Variants in UBAP2 observed in about 807,000 individuals in gnomAD.
UBAP2 encodes ubiquitin-associated protein 2.
In UBAP2, 75 loss-of-function variants were observed where a neutral mutation model predicts 139.6. The observed-to-expected ratio is 0.54, with a 90% CI of 0.45 to 0.65. UBAP2 has a LOEUF of 0.65. UBAP2 is among the 30% of genes least tolerant of loss of function. The pLI, the probability that UBAP2 is intolerant of heterozygous loss-of-function variation, is 0.00. For missense variants in UBAP2, 1,368 were observed against 1,369.6 expected (o/e 1.00, Z 0.02); for synonymous variants, 526 against 526.2 (o/e 1.00, Z 0.01).
intron 2 of UBAP2, among the ~76,000 whole-genome samples, chr9:34,009,806 CTTTTT>C (rs201452836): frequency 7.7e-6 from 1 of 129,808 alleles, no homozygotes; most frequent in Admixed American, 7.9e-5. Flanking sequence ...CTTATATTTC[CTTTTT>C]TTTTTTTTTT....
Position 33,927,072 on chromosome 9 carries a change from G to A in UBAP2, c.2380C>T (p.Pro794Ser), listed in dbSNP as rs780426717. ...GGCACCCCCTGAGGTAAGTTTGGGG[G>A]TGCTTTGCCTGTATAGAGGGAAAAA... Reference protein sequence around the residue: ...AAPLVTSGKAPPNLPQGVPPL... With the variant: ...AAPLVTSGKASPNLPQGVPPL... Residue 794 changes from proline (P) to serine (S), a missense_variant, in exon 21 of 29, where the codon CCC (proline) becomes TCC (serine). By Grantham distance (74) the Pro-to-Ser change is moderately conservative. Coordinates refer to ENST00000379238, the MANE Select transcript of UBAP2 (RefSeq NM_001370062.2). 2.5e-6 allele frequency: 4 copies of A among 1,612,084 alleles called. No homozygotes were observed. The East Asian group carries it at 8.9e-5, about 36-fold the overall frequency.
intron 22 of UBAP2, among the ~76,000 whole-genome samples, chr9:33,925,442 AT>A (rs1823346769): frequency 6.6e-6 from 1 of 152,168 alleles, no homozygotes; most frequent in Non-Finnish European, 1.5e-5. Flanking sequence ...AGAGCAACAT[AT>A]CTCAAAAGGT....
At position 33,941,848 on chromosome 9, in the gene UBAP2, G is replaced by A. The variant is rs1825237578; in HGVS notation, c.1730C>T (p.Thr577Ile). 1.2e-6 allele frequency: 2 copies of A among 1,611,816 alleles called. No individual in the cohort carries two copies. The highest frequency in any genetic ancestry group is 2.2e-5 in the East Asian group (1 of 44,766). ...YSKSLSEPLNTSLSMTSAVQN... is the reference protein window; with the variant it reads ...YSKSLSEPLNISLSMTSAVQN... ...TACTGCACTGGTCATTGATAAAGAT[G>A]TATTCAAAGGCTCACTGAAAAGAGT... The change falls in exon 16 of 29, where the codon ACA becomes ATA. Residue 577 changes from threonine to isoleucine, a missense_variant. Thr to Ile is a moderately conservative substitution (Grantham distance 89, BLOSUM62 -1). Coordinates refer to ENST00000379238, the MANE Select transcript of UBAP2 (RefSeq NM_001370062.2).
chr9:33,989,509 T>C (rs549888287), intron 4 of UBAP2, among the ~76,000 whole-genome samples: 3 of 152,332 alleles, frequency 2.0e-5, no homozygotes, highest in East Asian at 1.9e-4. Flanking sequence ...CACATGCACG[T>C]ATCTTTCAAA....
chr9:34,024,017 C>G (rs138694988), intron 1 of UBAP2, among the ~76,000 whole-genome samples: 1 of 151,028 alleles, frequency 6.6e-6, no homozygotes, highest in Non-Finnish European at 1.5e-5. Context: ...GCACTCCAGT[C>G]CGGGTGACAG....
chr9:34,011,295 A>G (rs1278630766), intron 2 of UBAP2, among the ~76,000 whole-genome samples: 2 of 152,174 alleles, frequency 1.3e-5, no homozygotes, highest in African/African-American at 4.8e-5. Context: ...AATGCCAATG[A>G]CTGATTTATT....
At chr9:34,014,213 G>A (rs1824032226) in intron 2 of UBAP2, among the ~76,000 whole-genome samples, 1 of 150,746 alleles carries the variant, frequency 6.6e-6, no homozygotes, top group African/African-American at 2.4e-5. Flanking sequence ...TGTAATCCCA[G>A]CTGCTGGGGA....
intron 1 of UBAP2, among the ~76,000 whole-genome samples, chr9:34,038,429 C>T (rs1044739189): frequency 1.3e-5 from 2 of 152,200 alleles, no homozygotes; most frequent in Admixed American, 6.5e-5. Flanking sequence ...ATTGCAGGCG[C>T]GCGCCGCCAC....
intron 11 of UBAP2, 75 bp from the exon 12 acceptor site, chr9:33,953,549 A>C (rs1029530005): frequency 1.1e-5 from 15 of 1,412,138 alleles, no homozygotes; most frequent in African/African-American, 1.4e-5. Context: ...AAGTCAATCA[A>C]TATATAGTGA....
In UBAP2 at chr9:33,944,382, T is replaced by A. The variant is rs750222996; in HGVS notation, c.1528A>T (p.Ile510Leu). Residue 510 changes from isoleucine to leucine, a missense_variant, in exon 14 of 29, where the codon ATA (isoleucine) becomes TTA (leucine). By Grantham distance (5) the Ile-to-Leu change is conservative. Coordinates refer to ENST00000379238, the MANE Select transcript of UBAP2 (RefSeq NM_001370062.2). ...ATGCCCACCTTAGAAGCTGGGGGTA[T>A]CCGCCGCTTAGCAAGTTTGATGTGT... is the stretch of plus-strand genomic sequence containing the variant. ...PKHIKLAKRR[I>L]PPASKIPASA... is the part of the protein sequence containing the mutation. The A allele has an allele frequency of 4.2e-5, 67 of 1,612,760 alleles. No homozygotes were observed. The highest frequency in any genetic ancestry group is 5.6e-5 in the Non-Finnish European group (66 of 1,178,916).
chr9:33,996,421 A>C, intron 3 of UBAP2, 88 bp from the exon 4 acceptor site: 1 of 858,980 alleles, frequency 1.2e-6, no homozygotes. Context: ...AGAATTACAT[A>C]ATCCTTCTAC....
At chr9:34,042,106 C>A (rs1827146653) in intron 1 of UBAP2, among the ~76,000 whole-genome samples, 1 of 152,082 alleles carries the variant, frequency 6.6e-6, no homozygotes, top group Non-Finnish European at 1.5e-5. Context: ...ACAATTCTTA[C>A]ATTGAGAATA....
rs1241360725 is a variant in UBAP2, at chr9:33,953,318, G to C, written c.1023C>G (p.Ser341=). The C allele has an allele frequency of 6.2e-7, 1 of 1,614,044 alleles. No individual in the cohort carries two copies. Among genetic ancestry groups the C allele is most frequent in the African/African-American group, 1.3e-5 (1 of 74,950 alleles). The change falls in exon 12 of 29, where the codon TCC becomes TCG. Residue 341 remains serine, a synonymous_variant. Coordinates refer to ENST00000379238, the MANE Select transcript of UBAP2 (RefSeq NM_001370062.2). ...GAGGAGAACAGGAGTTGACGGCAGT[G>C]GAGCTGCCAGTCCCTGGTGCCATCT... ...NNQMAPGTGS[S]TAVNSCSPQS...
chr9:34,048,851 C>G lies in UBAP2; in HGVS notation c.-68G>C, dbSNP rs1287020037. ...GCTGCTGCTCTCGGAGGACCCAAGA[C>G]CCGCTGCCGCCGCCGCCGCTCGTTA... On this transcript the variant is annotated 5_prime_UTR_variant, in exon 1 of 29. Transcript: ENST00000379238. The G allele has an allele frequency of 6.6e-6, 1 of 152,440 alleles. No individual in the cohort carries two copies. The allele number at this position is 152,440 out of a possible 1,614,324, so 9.4% of individuals were successfully genotyped here. A position where few individuals can be genotyped will look rare whatever the true frequency, so the allele number is the denominator to read the frequency against.
intron 2 of UBAP2, among the ~76,000 whole-genome samples, chr9:34,001,092 A>G (rs1822660471): frequency 6.6e-6 from 1 of 152,210 alleles, no homozygotes; most frequent in Non-Finnish European, 1.5e-5. Context: ...AACTAGATGA[A>G]GTAAAAGGGA....
intron 2 of UBAP2, among the ~76,000 whole-genome samples, chr9:34,006,052 G>A (rs10971841): frequency 0.19 from 29,531 of 151,610 alleles, 3,601 homozygotes; most frequent in East Asian, 0.55. Context: ...CCACCACAGT[G>A]AAACCCCATC....
intron 2 of UBAP2, among the ~76,000 whole-genome samples, chr9:34,005,378 T>C (rs1274782595): frequency 7.3e-6 from 1 of 137,056 alleles, no homozygotes; most frequent in Non-Finnish European, 1.5e-5. Flanking sequence ...GAGGGTGCAG[T>C]GAGCCTAGAT....
intron 1 of UBAP2, among the ~76,000 whole-genome samples, chr9:34,041,364 CT>C (rs1396777973): frequency 6.0e-5 from 9 of 149,972 alleles, no homozygotes; most frequent in Admixed American, 2.7e-4. Context: ...ACTTGGGAGG[CT>C]GAGGCAGGAG....
intron 1 of UBAP2, among the ~76,000 whole-genome samples, chr9:34,031,789 CAAA>C (rs138160278): frequency 9.7e-6 from 1 of 102,902 alleles, no homozygotes. Flanking sequence ...TGTCCCAAAC[CAAA>C]AAAAAAAAAA....
Sources: allele counts gnomAD v4.1 joint callset (sites outside exome capture counted in the v4.1 genomes callset), GRCh38; gene constraint gnomAD v4.1.1; transcripts MANE v1.5; gene names NCBI Gene and HGNC (gene_info 2026-07-23, HGNC 2026-07-21).